Variants in COL24A1 observed in about 807,000 individuals in gnomAD.
The protein encoded by COL24A1 is collagen type XXIV alpha 1 chain, also known as collagen alpha-1(XXIV) chain.
COL24A1 carries 224 observed loss-of-function variants against 253.9 expected under a neutral mutation model. That is an observed-to-expected ratio of 0.88 (90% CI 0.79 to 0.99). The LOEUF (loss-of-function observed/expected upper bound fraction) is 0.99, where lower values mean the gene tolerates loss of function less well. Ranked by LOEUF, COL24A1 falls within the 50% of genes least tolerant of loss-of-function variation. The pLI is 0.00. For synonymous variants in COL24A1, 685 were observed against 673.7 expected, an observed-to-expected ratio of 1.02 and a Z score of -0.26; for missense variants, 2,131 against 2,068.5, an observed-to-expected ratio of 1.03 and a Z score of -0.59.
At chr1:85,982,350 A>G (rs1480647621) in intron 20 of COL24A1, among the ~76,000 whole-genome samples, 1 of 152,106 alleles carries the variant, frequency 6.6e-6, no homozygotes, top group East Asian at 1.9e-4. Flanking sequence ...CTGTTGTACA[A>G]CAGTGTGCAC....
At chr1:86,095,869 T>A (rs1335424014) in intron 5 of COL24A1, among the ~76,000 whole-genome samples, 3 of 152,090 alleles carry the variant, frequency 2.0e-5, no homozygotes, top group Non-Finnish European at 4.4e-5. Context: ...TTTAAAATCA[T>A]TTTTATCAGA....
At chr1:86,015,493 T>A (rs941677343) in intron 19 of COL24A1, among the ~76,000 whole-genome samples, 2 of 152,074 alleles carry the variant, frequency 1.3e-5, no homozygotes, top group Admixed American at 6.6e-5. Flanking sequence ...TAACCAAGCT[T>A]TATGAGAAAG....
At chr1:85,996,999 G>A (rs931490766) in intron 19 of COL24A1, among the ~76,000 whole-genome samples, 16 of 139,156 alleles carry the variant, frequency 1.1e-4, no homozygotes, top group Non-Finnish European at 2.1e-4. Context: ...GGGATATCTT[G>A]TTTTCTTTCA....
In COL24A1 at chr1:85,859,134, G is replaced by A. The variant is rs116515102; in HGVS notation, c.3300+9385C>T. Among the ~76,000 whole-genome samples the A allele has an allele frequency of 1.2e-3, 187 of 152,206 alleles. 1 individual carries two copies. Among genetic ancestry groups the A allele is most frequent in the Non-Finnish European group, 2.4e-3 (161 of 68,024 alleles). On this transcript the variant is annotated intron_variant, in intron 37 of 59. Transcript: ENST00000370571. ...ACAAATTCCTACAAATTTCATGACA[G>A]CATGAACCTTGTCTGTTTTGTTCAC...
At chr1:86,027,920 C>A (rs1698199568) in intron 14 of COL24A1, among the ~76,000 whole-genome samples, 1 of 152,188 alleles carries the variant, frequency 6.6e-6, no homozygotes, top group African/African-American at 2.4e-5. Context: ...TGGGAACCCA[C>A]CTCCTACATC....
chr1:85,858,029 A>G (rs1348996255), intron 37 of COL24A1, among the ~76,000 whole-genome samples: 1 of 152,184 alleles, frequency 6.6e-6, no homozygotes, highest in African/African-American at 2.4e-5. Context: ...CTAAACCAGG[A>G]GCAAATTCAG....
chr1:86,054,953 A>G (rs1203098351), intron 10 of COL24A1, among the ~76,000 whole-genome samples: 1 of 152,194 alleles, frequency 6.6e-6, no homozygotes, highest in African/African-American at 2.4e-5. Flanking sequence ...ATGGAATACT[A>G]CAGTGCCATA....
At chr1:85,837,519 T>C (rs1384883900) in intron 43 of COL24A1, among the ~76,000 whole-genome samples, 1 of 152,178 alleles carries the variant, frequency 6.6e-6, no homozygotes, top group African/African-American at 2.4e-5. Flanking sequence ...AACTCATTAT[T>C]AAAAGCTTAT....
intron 2 of COL24A1, among the ~76,000 whole-genome samples, chr1:86,132,450 T>A (rs1649411615): frequency 6.6e-6 from 1 of 152,154 alleles, no homozygotes; most frequent in African/African-American, 2.4e-5. Context: ...CATGCCTATG[T>A]CCTGAATGGT....
At chr1:85,807,564 T>G in intron 47 of COL24A1, among the ~76,000 whole-genome samples, 1 of 152,172 alleles carries the variant, frequency 6.6e-6, no homozygotes, top group East Asian at 1.9e-4. Flanking sequence ...TATACCATAG[T>G]GTACTAGAAT....
At chr1:86,069,895 T>C (rs1185216221) in intron 7 of COL24A1, among the ~76,000 whole-genome samples, 3 of 152,016 alleles carry the variant, frequency 2.0e-5, no homozygotes, top group Non-Finnish European at 4.4e-5. Context: ...CTACAACAAA[T>C]ACCTAACTCT....
At chr1:85,987,158 C>G (rs527647832) in intron 20 of COL24A1, among the ~76,000 whole-genome samples, 2 of 151,870 alleles carry the variant, frequency 1.3e-5, no homozygotes, top group African/African-American at 2.4e-5. Context: ...ATTGTGGTTT[C>G]ACTTGTAAGT....
chr1:85,811,521 G>A (rs1300412014), intron 47 of COL24A1, among the ~76,000 whole-genome samples: 1 of 152,120 alleles, frequency 6.6e-6, no homozygotes, highest in African/African-American at 2.4e-5. Context: ...TACCATACTG[G>A]TTTTTACAGT....
chr1:85,799,379 TAAAAAAAAAA>T (rs66952563), intron 47 of COL24A1, among the ~76,000 whole-genome samples: 7 of 112,310 alleles, frequency 6.2e-5, no homozygotes, highest in Admixed American at 1.8e-4. Flanking sequence ...GTGCCATGAC[TAAAAAAAAAA>T]AAAAAAAAAA....
chr1:86,001,922 G>C (rs1339082800), intron 19 of COL24A1, among the ~76,000 whole-genome samples: 1 of 152,168 alleles, frequency 6.6e-6, no homozygotes, highest in Admixed American at 6.5e-5. Context: ...TGGGAAAAAA[G>C]ACAGACAGAG....
chr1:85,953,321 TC>T (rs1690111526), intron 24 of COL24A1, among the ~76,000 whole-genome samples: 1 of 152,114 alleles, frequency 6.6e-6, no homozygotes, highest in Non-Finnish European at 1.5e-5. Context: ...CTTTATAATA[TC>T]CCTACCTAAG....
At chr1:85,927,267 G>A (rs1687392207) in intron 24 of COL24A1, among the ~76,000 whole-genome samples, 1 of 152,222 alleles carries the variant, frequency 6.6e-6, no homozygotes, top group South Asian at 2.1e-4. Context: ...TGCCTCACCT[G>A]GGAAGCGCAA....
chr1:85,968,775 A>G (rs191179509), intron 22 of COL24A1, among the ~76,000 whole-genome samples: 1 of 152,258 alleles, frequency 6.6e-6, no homozygotes, highest in East Asian at 1.9e-4. Context: ...ACATATTTAC[A>G]TTATGGAAAG....
chr1:86,156,317 C>T lies in COL24A1; in HGVS notation c.56+24G>A, dbSNP rs1224074542. ...GAGAGGGGTTGGTCTAACCCCTACC[C>T]TACCCGGCGGGTGGGCTACTTACGT... On this transcript the variant is annotated intron_variant, in intron 1 of 59. Coordinates refer to ENST00000370571, the MANE Select transcript of COL24A1 (RefSeq NM_152890.7). 5.6e-6 allele frequency: 9 copies of T among 1,609,556 alleles called. No homozygotes were observed. In the South Asian group the frequency reaches 1.0e-4, roughly 18 times the overall value.
Sources: allele counts gnomAD v4.1 joint callset (sites outside exome capture counted in the v4.1 genomes callset), GRCh38; gene constraint gnomAD v4.1.1; transcripts MANE v1.5; gene names NCBI Gene and HGNC (gene_info 2026-07-23, HGNC 2026-07-21).